Variants in FOXK1 observed in about 807,000 individuals in gnomAD.
FOXK1 encodes the protein forkhead box protein K1.
In FOXK1, 19 loss-of-function variants were observed where a neutral mutation model predicts 51.9. That is an observed-to-expected ratio of 0.37 (90% CI 0.26 to 0.54). The LOEUF is 0.54. FOXK1 is among the 20% of genes least tolerant of loss of function. The pLI is 0.87. For synonymous variants in FOXK1, 537 were observed against 482.6 expected, an observed-to-expected ratio of 1.11 and a Z score of -1.48; for missense variants, 870 against 1,032.7, an observed-to-expected ratio of 0.84 and a Z score of 2.16.
Position 4,716,034 on chromosome 7 carries a change from C to G in FOXK1, c.561-24804C>G, listed in dbSNP as rs1780229023. Among the ~76,000 whole-genome samples the G allele has an allele frequency of 5.3e-5, 8 of 152,094 alleles. 1 individual carries two copies. The South Asian group carries it at 1.7e-3, about 32-fold the overall frequency. On this transcript the variant is annotated intron_variant, in intron 1 of 8. Coordinates refer to ENST00000328914, the MANE Select transcript of FOXK1 (RefSeq NM_001037165.2). The stretch of plus-strand genomic sequence containing the variant: ...ATCACTTGAGGTAAGGAGTTCAAGA[C>G]CAGTTTGGCCAATATGATGAAACCC...
chr7:4,697,296 G>A (rs898845659), intron 1 of FOXK1, among the ~76,000 whole-genome samples: 6 of 152,052 alleles, frequency 3.9e-5, no homozygotes, highest in African/African-American at 7.2e-5. Flanking sequence ...GGAAGGCAAC[G>A]TGCTCAGGAA....
At position 4,761,287 on chromosome 7, in the gene FOXK1, C is replaced by T. The variant is rs755469206; in HGVS notation, c.1920C>T (p.Tyr640=). 1.6e-5 allele frequency: 26 copies of T among 1,611,090 alleles called. No homozygotes were observed. The highest frequency in any genetic ancestry group is 8.0e-5 in the African/African-American group (6 of 74,928). Residue 640 remains tyrosine (Y), a splice_region_variant and synonymous_variant, in exon 8 of 9, where the codon TAC becomes TAT. Coordinates refer to ENST00000328914, the MANE Select transcript of FOXK1 (RefSeq NM_001037165.2). The surrounding 1 kb of genome is among the most constrained non-coding windows in gnomAD (Gnocchi z 6.2). ...VPTNSLAGNA[Y]ALTSPLQLLA... ...CGAACAGTTTAGCCGGCAACGCTTA[C>T]GGTGAGGCCCTGGCCCTGTTCTCCA...
intron 5 of FOXK1, among the ~76,000 whole-genome samples, chr7:4,757,507 G>A (rs1414475941): frequency 6.6e-6 from 1 of 151,510 alleles, no homozygotes; most frequent in Non-Finnish European, 1.5e-5. Flanking sequence ...GCAGGTGCCT[G>A]TAATTCCAGC....
In FOXK1 at chr7:4,759,482, TCAC is replaced by T; in HGVS notation, c.1587_1589del (p.Thr530del). 6.3e-7 allele frequency: 1 copy of T among 1,585,008 alleles called. No homozygotes were observed. The highest frequency in any genetic ancestry group is 8.5e-7 in the Non-Finnish European group (1 of 1,171,086). ...CCCACCGTCACCATGGTCAGGGTGG[TCAC>T]CACATCTGCCAACTCGGCCAACGGA... On this transcript the variant is annotated inframe_deletion, in exon 7 of 9. Coordinates refer to ENST00000328914, the MANE Select transcript of FOXK1 (RefSeq NM_001037165.2).
intron 6 of FOXK1, 47 bp downstream of exon 6, chr7:4,759,264 G>T (rs749458058): frequency 2.5e-6 from 4 of 1,606,106 alleles, no homozygotes; most frequent in South Asian, 2.2e-5. Flanking sequence ...GGCGGGACTC[G>T]TGGGGGTGCG....
At position 4,706,043 on chromosome 7, in the gene FOXK1, C is replaced by T. The variant is rs373949260; in HGVS notation, c.560+23175C>T. Among the ~76,000 whole-genome samples, 370 of 95,190 alleles carry T rather than the reference C, an allele frequency of 3.9e-3. 40 individuals are homozygous for T. Among genetic ancestry groups the T allele is most frequent in the African/African-American group, 0.031 (349 of 11,312 alleles). 62.4% of individuals were successfully genotyped at this position (95,190 alleles called of 152,430 possible). A position where few individuals can be genotyped will look rare whatever the true frequency, so the allele number is the denominator to read the frequency against. On this transcript the variant is annotated intron_variant, in intron 1 of 8. Coordinates refer to ENST00000328914, the MANE Select transcript of FOXK1 (RefSeq NM_001037165.2). The stretch of plus-strand genomic sequence containing the variant: ...ATATACGTGTATATACGTGTATATA[C>T]GTGTATATATGTATATATATGTGTA...
In FOXK1 at chr7:4,741,467, G is replaced by C. The variant is rs1002765266; in HGVS notation, c.746+444G>C. Among the ~76,000 whole-genome samples, 9 of 151,964 alleles carry C rather than the reference G, an allele frequency of 5.9e-5. No homozygotes were observed. In the East Asian group the frequency reaches 1.5e-3, roughly 26 times the overall value. ...CCTCAGCCTCCCGAGTAGCTGGGAT[G>C]ACAGGCGCCTGCTACCACGCCTGGC... is the stretch of plus-strand genomic sequence containing the variant. On this transcript the variant is annotated intron_variant, in intron 2 of 8. Coordinates refer to ENST00000328914, the MANE Select transcript of FOXK1 (RefSeq NM_001037165.2).
In FOXK1 at chr7:4,729,494, C is replaced by T. The variant is rs1780422891; in HGVS notation, c.561-11344C>T. Among the ~76,000 whole-genome samples the T allele has an allele frequency of 1.3e-5, 2 of 152,202 alleles. No homozygotes were observed. The highest frequency in any genetic ancestry group is 4.1e-4 in the South Asian group (2 of 4,834). On this transcript the variant is annotated intron_variant, in intron 1 of 8. Coordinates refer to ENST00000328914, the MANE Select transcript of FOXK1 (RefSeq NM_001037165.2). This position sits in a 1 kb window ranked among gnomAD's most constrained non-coding sequence, Gnocchi z 6.2. ...GAGCTGTGAACACCGAGGGTGCCGT[C>T]CTCGCCTGTGCTGCCATGGGGTGCT...
chr7:4,692,752 T>C (rs35272060), intron 1 of FOXK1, among the ~76,000 whole-genome samples: 29,366 of 151,448 alleles, frequency 0.19, 7,398 homozygotes, highest in African/African-American at 0.59. Context: ...TTTGAGACAG[T>C]GTCTTGCTCT....
At chr7:4,740,456 A>G (rs1295683402) in intron 1 of FOXK1, among the ~76,000 whole-genome samples, 1 of 150,760 alleles carries the variant, frequency 6.6e-6, no homozygotes, top group African/African-American at 2.4e-5. Context: ...TAAAAAATGC[A>G]AAAAATTAGC....
chr7:4,703,053 G>T lies in FOXK1; in HGVS notation c.560+20185G>T, dbSNP rs115889976. On this transcript the variant is annotated intron_variant, in intron 1 of 8. Transcript: ENST00000328914. The surrounding 1 kb of genome is among the most constrained non-coding windows in gnomAD (Gnocchi z 5.6). Reference sequence around the variant, plus strand: ...GCTCCCCCTGCCAGGTCCGGTTGGGGACCGAGACCCCTGGTTGCTTGCACT... The same window carrying T: ...GCTCCCCCTGCCAGGTCCGGTTGGGTACCGAGACCCCTGGTTGCTTGCACT... Among the ~76,000 whole-genome samples, 495 of 152,276 alleles carry T rather than the reference G, an allele frequency of 3.3e-3. 1 individual carries two copies. The highest frequency in any genetic ancestry group is 0.011 in the African/African-American group (467 of 41,538).
rs1288911587 is a variant in FOXK1 at position 4,762,069 on chromosome 7, G to T, written c.1922-115G>T. 3.2e-6 allele frequency: 4 copies of T among 1,242,900 alleles called. No homozygotes were observed. The highest frequency in any genetic ancestry group is 2.4e-5 in the Admixed American group (1 of 41,410). 77.0% of individuals were successfully genotyped at this position (1,242,900 alleles called of 1,614,324 possible). ...CAAGGGTAGCCGTCCTGCCTGGCAGGGGTGCACTGACCTCCGGTTCCGGCT... is the reference window on the plus strand; with the variant it reads ...CAAGGGTAGCCGTCCTGCCTGGCAGTGGTGCACTGACCTCCGGTTCCGGCT... On this transcript the variant is annotated intron_variant, in intron 8 of 8. Transcript: ENST00000328914. The surrounding 1 kb of genome is among the most constrained non-coding windows in gnomAD (Gnocchi z 5.7).
At chr7:4,737,662 C>T (rs1475942690) in intron 1 of FOXK1, among the ~76,000 whole-genome samples, 2 of 152,168 alleles carry the variant, frequency 1.3e-5, no homozygotes, top group Non-Finnish European at 1.5e-5. Flanking sequence ...CCTGCCTGGA[C>T]CCTCAGCCAG....
At chr7:4,699,416 C>T (rs996560901) in intron 1 of FOXK1, among the ~76,000 whole-genome samples, 8 of 150,926 alleles carry the variant, frequency 5.3e-5, no homozygotes, top group South Asian at 2.1e-4. Flanking sequence ...TCACCCAGGC[C>T]GGAGTGCAGT....
At chr7:4,714,696 T>A (rs1283976958) in intron 1 of FOXK1, among the ~76,000 whole-genome samples, 1 of 152,248 alleles carries the variant, frequency 6.6e-6, no homozygotes, top group Non-Finnish European at 1.5e-5. Context: ...TTGGCTTACG[T>A]ATTTTCTAAG....
At position 4,733,756 on chromosome 7, in the gene FOXK1, T is replaced by C. The variant is rs1045881099; in HGVS notation, c.561-7082T>C. 2.0e-5 allele frequency among the ~76,000 whole-genome samples: 3 copies of C among 152,204 alleles called. No individual in the cohort carries two copies. Among genetic ancestry groups the C allele is most frequent in the Non-Finnish European group, 4.4e-5 (3 of 68,024 alleles). On this transcript the variant is annotated intron_variant, in intron 1 of 8. Coordinates refer to ENST00000328914, the MANE Select transcript of FOXK1 (RefSeq NM_001037165.2). This position sits in a 1 kb window ranked among gnomAD's most constrained non-coding sequence, Gnocchi z 5.0. ...CGGCCTGGCGTCTTCTGGCCCTTGC[T>C]CTTGGGTCTGCTGTTTCTCTCACGG...
intron 1 of FOXK1, among the ~76,000 whole-genome samples, chr7:4,718,474 C>T (rs1780266901): frequency 6.6e-6 from 1 of 152,136 alleles, no homozygotes; most frequent in South Asian, 2.1e-4. Context: ...GGTGGAGGTT[C>T]CCCTGTTTGT....
chr7:4,719,469 C>T (rs1329502846), intron 1 of FOXK1, among the ~76,000 whole-genome samples: 1 of 150,846 alleles, frequency 6.6e-6, no homozygotes, highest in African/African-American at 2.4e-5. Flanking sequence ...TTTGTGTTTC[C>T]CTAATAGCTA....
chr7:4,708,158 C>T (rs1015830019), intron 1 of FOXK1, among the ~76,000 whole-genome samples: 3 of 151,982 alleles, frequency 2.0e-5, no homozygotes, highest in Non-Finnish European at 4.4e-5. Flanking sequence ...TTTGAAGGGC[C>T]CGAGTCTTCC....
Sources: gnomAD v4.1 joint callset for allele counts (sites outside exome capture counted in the v4.1 genomes callset) on GRCh38, gnomAD v4.1.1 for gene constraint, Gnocchi (gnomAD v3.1) non-coding constraint, MANE v1.5 for transcripts, NCBI Gene and HGNC (gene_info 2026-07-23, HGNC 2026-07-21) for gene names.